DNER: variants seen among roughly 807,000 people sequenced by gnomAD.
DNER encodes the protein delta and Notch-like epidermal growth factor-related receptor.
DNER carries 33 observed loss-of-function variants against 78.2 expected under a neutral mutation model. The observed-to-expected ratio is 0.42, with a 90% CI of 0.32 to 0.56. The LOEUF is 0.56. Among genes scored for constraint, DNER ranks in the 20% least tolerant of loss-of-function variants. DNER has a pLI of 0.11. For synonymous variants in DNER, 417 were observed against 384.8 expected (o/e 1.08, Z -0.98); for missense variants, 918 against 975.3 (o/e 0.94, Z 0.78).
chr2:229,525,987 G>T (rs1696200930), intron 5 of DNER, among the ~76,000 whole-genome samples: 1 of 151,302 alleles, frequency 6.6e-6, no homozygotes, highest in African/African-American at 2.5e-5. Flanking sequence ...CTTATTAAAT[G>T]CTTGTTGATT....
At chr2:229,501,335 A>T (rs77857410) in intron 6 of DNER, among the ~76,000 whole-genome samples, 17,877 of 147,862 alleles carry the variant, frequency 0.12, 1,245 homozygotes, top group South Asian at 0.2. Context: ...TGTTAGGTTA[A>T]AAAAAAAAAG....
At chr2:229,371,777 A>G (rs1470602755) in intron 11 of DNER, among the ~76,000 whole-genome samples, 2 of 152,246 alleles carry the variant, frequency 1.3e-5, no homozygotes, top group Admixed American at 6.5e-5. Context: ...ATGTAGCTAC[A>G]CTAGTTAATT....
At chr2:229,559,504 C>T (rs1362285909) in intron 4 of DNER, among the ~76,000 whole-genome samples, 5 of 152,168 alleles carry the variant, frequency 3.3e-5, no homozygotes, top group South Asian at 2.1e-4. Context: ...TAAACAGCTT[C>T]GGGAGGTCAG....
chr2:229,577,915 G>T (rs1574911569), intron 4 of DNER, among the ~76,000 whole-genome samples: 1 of 152,114 alleles, frequency 6.6e-6, no homozygotes, highest in Non-Finnish European at 1.5e-5. Flanking sequence ...AAATTTAAGT[G>T]TCCTGCCAAC....
At chr2:229,555,784 A>G (rs1254399524) in intron 4 of DNER, among the ~76,000 whole-genome samples, 1 of 142,486 alleles carries the variant, frequency 7.0e-6, no homozygotes, top group Non-Finnish European at 1.5e-5. Context: ...ATTCCAGTTT[A>G]CTAAAAAAAA....
intron 1 of DNER, among the ~76,000 whole-genome samples, chr2:229,630,443 C>CCCAG (rs968318192): frequency 8.6e-5 from 13 of 150,450 alleles, no homozygotes; most frequent in African/African-American, 3.2e-4. Context: ...GTCACTGCAC[C>CCCAG]CCAGCCTGGG....
intron 5 of DNER, among the ~76,000 whole-genome samples, chr2:229,544,278 G>A (rs1177788830): frequency 6.6e-6 from 1 of 152,118 alleles, no homozygotes; most frequent in African/African-American, 2.4e-5. Context: ...GATGTAAAGG[G>A]CAGGCTTGGC....
At chr2:229,464,274 T>C (rs959682922) in intron 7 of DNER, among the ~76,000 whole-genome samples, 2 of 152,190 alleles carry the variant, frequency 1.3e-5, no homozygotes, top group Admixed American at 1.3e-4. Flanking sequence ...TCATCAGCTG[T>C]AAAAGACCCA....
chr2:229,383,798 C>T (rs570932632), intron 11 of DNER, among the ~76,000 whole-genome samples: 1 of 151,256 alleles, frequency 6.6e-6, no homozygotes, highest in South Asian at 2.1e-4. Flanking sequence ...TAGACTCCCA[C>T]ACAATAATAG....
intron 1 of DNER, among the ~76,000 whole-genome samples, chr2:229,619,982 A>T (rs1489836860): frequency 6.6e-6 from 1 of 152,244 alleles, no homozygotes; most frequent in Non-Finnish European, 1.5e-5. Flanking sequence ...AAATCAAGCA[A>T]TTAAGTATTC....
chr2:229,607,378 T>C (rs146680564), intron 1 of DNER, among the ~76,000 whole-genome samples: 32 of 150,780 alleles, frequency 2.1e-4, no homozygotes, highest in African/African-American at 7.5e-4. Flanking sequence ...GTGAGGCAGT[T>C]ACTGTTATCT....
intron 1 of DNER, among the ~76,000 whole-genome samples, chr2:229,662,667 GA>G: frequency 6.6e-6 from 1 of 152,100 alleles, no homozygotes; most frequent in Non-Finnish European, 1.5e-5. Context: ...CCAGCCTCCT[GA>G]AACCAGAGAT....
chr2:229,381,231 G>A (rs1219809724), intron 11 of DNER, among the ~76,000 whole-genome samples: 5 of 152,146 alleles, frequency 3.3e-5, no homozygotes, highest in African/African-American at 1.2e-4. Flanking sequence ...GAGGAACGGT[G>A]CACTCCAGCC....
intron 1 of DNER, among the ~76,000 whole-genome samples, chr2:229,687,201 C>T (rs4973218): frequency 0.37 from 56,070 of 151,488 alleles, 10,890 homozygotes; most frequent in East Asian, 0.7. Context: ...GGTGTTTTCC[C>T]ATTTTGGACT....
At chr2:229,503,557 T>C (rs545062906) in intron 6 of DNER, among the ~76,000 whole-genome samples, 2 of 152,248 alleles carry the variant, frequency 1.3e-5, no homozygotes, top group African/African-American at 4.8e-5. Context: ...AAGGGTACAA[T>C]ACATGTTTGC....
intron 5 of DNER, among the ~76,000 whole-genome samples, chr2:229,518,737 A>G (rs1325481576): frequency 2.0e-5 from 3 of 152,208 alleles, no homozygotes; most frequent in Non-Finnish European, 2.9e-5. Flanking sequence ...TACACTCTCA[A>G]TTAAATATTG....
intron 4 of DNER, among the ~76,000 whole-genome samples, chr2:229,563,518 T>TCCCACCACCATCATCGTCATCATCCTCAC (rs1697013101): frequency 1.2e-5 from 1 of 86,616 alleles, no homozygotes; most frequent in African/African-American, 6.0e-5. Context: ...AACATCATCA[T>TCCCACCACCATCATCGTCATCATCCTCAC]CCCATCACCA....
At chr2:229,494,838 C>T (rs570157394) in intron 6 of DNER, among the ~76,000 whole-genome samples, 5 of 152,234 alleles carry the variant, frequency 3.3e-5, no homozygotes, top group East Asian at 3.9e-4. Context: ...CCAAGAAGTC[C>T]GACAGCCTTC....
intron 4 of DNER, among the ~76,000 whole-genome samples, chr2:229,572,833 T>G (rs1048881979): frequency 1.3e-4 from 20 of 152,228 alleles, no homozygotes; most frequent in African/African-American, 4.8e-4. Flanking sequence ...TTTTAATTTT[T>G]GGTTACTTGA....
Sources: gnomAD v4.1 joint callset for allele counts (sites outside exome capture counted in the v4.1 genomes callset) on GRCh38, gnomAD v4.1.1 for gene constraint, MANE v1.5 for transcripts, NCBI Gene and HGNC (gene_info 2026-07-23, HGNC 2026-07-21) for gene names.